TRIP12: variants seen among roughly 807,000 people sequenced by gnomAD.
The protein encoded by TRIP12 is thyroid hormone receptor interactor 12.
TRIP12 carries 25 observed loss-of-function variants against 244.2 expected under a neutral mutation model. That is an observed-to-expected ratio of 0.10 (90% CI 0.07 to 0.14). The LOEUF (loss-of-function observed/expected upper bound fraction) is 0.14, where lower values mean the gene tolerates loss of function less well. Among genes scored for constraint, TRIP12 ranks in the 10% least tolerant of loss-of-function variants. The probability of loss-of-function intolerance (pLI) is 1.00; values close to 1 mark genes in which losing one functional copy is unlikely to be tolerated. For missense variants in TRIP12, 1,677 were observed against 2,486.4 expected (o/e 0.67, Z 6.92); for synonymous variants, 905 against 873.1 (o/e 1.04, Z -0.64).
intron 22 of TRIP12, 107 bp from the exon 23 acceptor site, chr2:229,799,156 T>G: frequency 6.6e-7 from 1 of 1,524,266 alleles, no homozygotes; most frequent in Non-Finnish European, 9.0e-7. Context: ...CTGAAAGAAC[T>G]AAGAACACTT....
chr2:229,783,699 T>C (rs2039048707), intron 34 of TRIP12, among the ~76,000 whole-genome samples: 1 of 151,334 alleles, frequency 6.6e-6, no homozygotes, highest in East Asian at 1.9e-4. Flanking sequence ...TCCAAACTGA[T>C]CTAAATTGAA....
intron 36 of TRIP12, among the ~76,000 whole-genome samples, chr2:229,777,855 A>C (rs944432674): frequency 2.0e-5 from 3 of 152,230 alleles, no homozygotes; most frequent in Admixed American, 2.0e-4. Flanking sequence ...AAACATACTG[A>C]TAAAGTGCCT....
At chr2:229,914,354 T>C (rs898247069) in intron 1 of TRIP12, among the ~76,000 whole-genome samples, 15 of 152,190 alleles carry the variant, frequency 9.9e-5, no homozygotes, top group African/African-American at 3.4e-4. Flanking sequence ...CAGCCAAGGA[T>C]GTAAAACAGA....
Position 229,785,815 on chromosome 2 carries a change from G to C in TRIP12, c.5036C>G (p.Ser1679Cys), listed in dbSNP as rs758323251. 1.2e-6 allele frequency: 2 copies of C among 1,613,642 alleles called. No homozygotes were observed. Among genetic ancestry groups the C allele is most frequent in the Admixed American group, 1.7e-5 (1 of 59,908 alleles). The change falls in exon 34 of 42, where the codon TCT (serine) becomes TGT (cysteine). Residue 1679 changes from serine (S) to cysteine (C), a missense_variant. Physicochemically the swap from Ser to Cys is moderately radical, Grantham distance 112. Transcript: ENST00000675903. ...NREELLKQAESVMQDLGSSRA... is the reference protein window; with the variant it reads ...NREELLKQAECVMQDLGSSRA... ...TGAGCTGCCGAGGTCCTGCATCACA[G>C]ACTCCGCCTGTTTCAGCAGCTCCTC...
chr2:229,912,811 C>G (rs374354774), intron 1 of TRIP12, among the ~76,000 whole-genome samples: 11 of 152,174 alleles, frequency 7.2e-5, no homozygotes, highest in South Asian at 2.1e-4. Context: ...TTTCAGCACC[C>G]TCTAAGAGGG....
At chr2:229,858,134 T>G (rs1267910129) in intron 4 of TRIP12, among the ~76,000 whole-genome samples, 1 of 152,062 alleles carries the variant, frequency 6.6e-6, no homozygotes, top group African/African-American at 2.4e-5. Flanking sequence ...GAGGCCGAGG[T>G]GAGCAGATCA....
chr2:229,794,988 A>T, intron 26 of TRIP12, 191 bp downstream of exon 26: 1 of 518,536 alleles, frequency 1.9e-6, no homozygotes, highest in Non-Finnish European at 3.2e-6. Context: ...CATCCTGTTT[A>T]AGGCATATGG....
intron 2 of TRIP12, among the ~76,000 whole-genome samples, chr2:229,866,412 T>C (rs973526066): frequency 1.3e-5 from 2 of 152,214 alleles, no homozygotes; most frequent in African/African-American, 4.8e-5. Flanking sequence ...CATTTACCTA[T>C]TGAGATGTTA....
intron 4 of TRIP12, among the ~76,000 whole-genome samples, chr2:229,852,260 TAA>T (rs2058853944): frequency 1.3e-5 from 2 of 152,304 alleles, no homozygotes; most frequent in South Asian, 4.1e-4. Flanking sequence ...AAATATAACT[TAA>T]GTTTTTCTAT....
intron 1 of TRIP12, among the ~76,000 whole-genome samples, chr2:229,920,208 T>C (rs79053075): frequency 6.6e-6 from 1 of 152,308 alleles, no homozygotes; most frequent in East Asian, 1.9e-4. Context: ...ATTTTTTGTT[T>C]TGTTTTTAAA....
chr2:229,778,360 C>A lies in TRIP12; in HGVS notation c.5364+73G>T. ...CATTGCTCTAAACTATAGCAGTAAACTACAGGGGACTGAGGTACTTGCACA... is the reference window on the plus strand; with the variant it reads ...CATTGCTCTAAACTATAGCAGTAAAATACAGGGGACTGAGGTACTTGCACA... On this transcript the variant is annotated intron_variant, in intron 36 of 41. Coordinates refer to ENST00000675903, the MANE Select transcript of TRIP12 (RefSeq NM_001348323.3). The surrounding 1 kb of genome is among the most constrained non-coding windows in gnomAD (Gnocchi z 4.1). The A allele has an allele frequency of 6.4e-7, 1 of 1,561,658 alleles. No homozygotes were observed. Among genetic ancestry groups the A allele is most frequent in the South Asian group, 1.2e-5 (1 of 86,558 alleles).
intron 6 of TRIP12, among the ~76,000 whole-genome samples, chr2:229,831,865 G>T (rs1559713384): frequency 2.3e-5 from 3 of 128,968 alleles, no homozygotes; most frequent in African/African-American, 3.2e-5. Flanking sequence ...GAGGTCAAAG[G>T]TTTTTTTTGT....
At chr2:229,873,520 A>G (rs2063058226) in intron 2 of TRIP12, among the ~76,000 whole-genome samples, 1 of 152,234 alleles carries the variant, frequency 6.6e-6, no homozygotes, top group South Asian at 2.1e-4. Flanking sequence ...ATGTTAGGGT[A>G]TTGAGAGAAA....
At chr2:229,902,615 C>G (rs1469390916) in intron 1 of TRIP12, among the ~76,000 whole-genome samples, 1 of 152,176 alleles carries the variant, frequency 6.6e-6, no homozygotes, top group Non-Finnish European at 1.5e-5. Flanking sequence ...CCAGCTTTCA[C>G]AGTTTGAGAG....
intron 1 of TRIP12, 76 bp from the exon 2 acceptor site, chr2:229,880,204 G>A (rs900568006): frequency 1.8e-4 from 160 of 892,372 alleles, no homozygotes; most frequent in East Asian, 1.8e-4. Flanking sequence ...GGGAACTTAC[G>A]GTGACATGGA....
chr2:229,857,193 A>T (rs1478716336), intron 4 of TRIP12, among the ~76,000 whole-genome samples: 2 of 152,204 alleles, frequency 1.3e-5, no homozygotes, highest in African/African-American at 2.4e-5. Context: ...GCCCTACCCA[A>T]ATGTAGATCT....
At chr2:229,873,168 G>C (rs193175606) in intron 2 of TRIP12, among the ~76,000 whole-genome samples, 2 of 152,154 alleles carry the variant, frequency 1.3e-5, no homozygotes, top group African/African-American at 4.8e-5. Context: ...CAAATTAGCA[G>C]AAAAATGCAA....
intron 9 of TRIP12, 110 bp downstream of exon 9, chr2:229,818,254 C>G: frequency 8.2e-7 from 1 of 1,212,230 alleles, no homozygotes; most frequent in South Asian, 1.5e-5. Flanking sequence ...CCTCTCTTAA[C>G]TCTATCATGT....
At position 229,778,322 on chromosome 2, in the gene TRIP12, G is replaced by C; in HGVS notation, c.5364+111C>G. The C allele has an allele frequency of 7.5e-7, 1 of 1,337,606 alleles. No individual in the cohort carries two copies. The allele number at this position is 1,337,606 out of a possible 1,614,324, so 82.9% of individuals were successfully genotyped here. On this transcript the variant is annotated intron_variant, in intron 36 of 41. Transcript: ENST00000675903. This position sits in a 1 kb window ranked among gnomAD's most constrained non-coding sequence, Gnocchi z 4.1. ...TCCCCAAGTAATTCATATGTGTATT[G>C]AAGTTTGAGAAGCATTGCTCTAAAC...
Sources: allele counts gnomAD v4.1 joint callset (sites outside exome capture counted in the v4.1 genomes callset), GRCh38; gene constraint gnomAD v4.1.1; non-coding constraint Gnocchi (gnomAD v3.1); transcripts MANE v1.5; gene names NCBI Gene and HGNC (gene_info 2026-07-23, HGNC 2026-07-21).